The following KLHL3 variants were observed in gnomAD, a reference collection of about 807,000 sequenced individuals.
KLHL3 encodes the protein kelch like family member 3, also known as kelch-like protein 3.
In KLHL3, 19 loss-of-function variants were observed where a neutral mutation model predicts 70.5. The observed-to-expected ratio is 0.27, with a 90% CI of 0.19 to 0.40. The LOEUF (loss-of-function observed/expected upper bound fraction) is 0.40. Ranked by LOEUF, KLHL3 falls within the 10% of genes least tolerant of loss-of-function variation. The pLI is 1.00. For missense variants in KLHL3, 512 were observed against 771.1 expected (o/e 0.66, Z 3.98); for synonymous variants, 258 against 290.3 (o/e 0.89, Z 1.13).
intron 2 of KLHL3, among the ~76,000 whole-genome samples, chr5:137,716,722 G>A (rs992436008): frequency 3.3e-5 from 5 of 152,130 alleles, no homozygotes; most frequent in African/African-American, 4.8e-5. Context: ...CCCTTACTGC[G>A]CAATCTCAAA....
intron 7 of KLHL3, chr5:137,661,623 G>A (rs570600721): frequency 8.5e-5 from 22 of 260,126 alleles, no homozygotes; most frequent in African/African-American, 3.8e-4. Flanking sequence ...CAACCCTGCT[G>A]GGCTCTACTA....
chr5:137,713,961 G>C (rs1308820701), intron 2 of KLHL3, among the ~76,000 whole-genome samples: 1 of 151,856 alleles, frequency 6.6e-6, no homozygotes, highest in East Asian at 1.9e-4. Flanking sequence ...TGCCATGTTG[G>C]TGTGCTGCAC....
Position 137,621,575 on chromosome 5 carries a change from C to A in KLHL3, c.*523G>T, listed in dbSNP as rs1270811339. 2 of 153,978 alleles carry A rather than the reference C, an allele frequency of 1.3e-5. No individual in the cohort carries two copies. Among genetic ancestry groups the A allele is most frequent in the East Asian group, 3.8e-4 (2 of 5,252 alleles). 9.5% of individuals were successfully genotyped at this position (153,978 alleles called of 1,614,324 possible). On this transcript the variant is annotated 3_prime_UTR_variant, in exon 15 of 15. Transcript: ENST00000309755. ...GAACTGCCCCTCTCACTGGTTATTTCTGGACATTCCCAGACTGTCCAACTG... is the reference window on the plus strand; with the variant it reads ...GAACTGCCCCTCTCACTGGTTATTTATGGACATTCCCAGACTGTCCAACTG...
chr5:137,684,595 A>AT (rs1465158788), intron 5 of KLHL3, among the ~76,000 whole-genome samples: 16 of 152,202 alleles, frequency 1.1e-4, no homozygotes, highest in African/African-American at 3.1e-4. Context: ...TTGCTATTTC[A>AT]TTAATGAAGT....
At chr5:137,662,060 C>T (rs1751488380) in intron 6 of KLHL3, 29 bp from the exon 7 acceptor site, 1 of 966,202 alleles carries the variant, frequency 1.0e-6, no homozygotes, top group Non-Finnish European at 1.6e-6. Context: ...TGGGCAACTT[C>T]AGTAAAGAGA....
chr5:137,706,817 T>C (rs1752695298), intron 3 of KLHL3, among the ~76,000 whole-genome samples: 1 of 152,202 alleles, frequency 6.6e-6, no homozygotes, highest in Admixed American at 6.5e-5. Context: ...ACCTGCTATA[T>C]GGAAGACCAT....
intron 3 of KLHL3, among the ~76,000 whole-genome samples, chr5:137,704,181 C>T (rs774996043): frequency 1.3e-5 from 2 of 151,982 alleles, no homozygotes; most frequent in East Asian, 1.9e-4. Flanking sequence ...GTCAGGAGAT[C>T]GAGACCATCC....
intron 2 of KLHL3, among the ~76,000 whole-genome samples, chr5:137,711,009 G>A (rs1020534408): frequency 2.6e-5 from 4 of 152,142 alleles, no homozygotes; most frequent in African/African-American, 9.7e-5. Context: ...TAAAGCACTA[G>A]AGAGAGTAGG....
intron 3 of KLHL3, among the ~76,000 whole-genome samples, chr5:137,699,333 T>A (rs1033056114): frequency 6.6e-6 from 1 of 151,064 alleles, no homozygotes; most frequent in Admixed American, 6.6e-5. Context: ...GTACATGGAG[T>A]AACAGTGAGA....
chr5:137,631,089 A>AG (rs1421351799), intron 12 of KLHL3, among the ~76,000 whole-genome samples: 16 of 141,972 alleles, frequency 1.1e-4, no homozygotes, highest in South Asian at 2.2e-4. Context: ...AAAAAAAAAA[A>AG]AGAGAGAGAG....
intron 3 of KLHL3, chr5:137,706,576 C>G (rs1353735869): frequency 6.4e-6 from 1 of 157,180 alleles, no homozygotes; most frequent in African/African-American, 2.4e-5. Context: ...GTAAAATAAT[C>G]AGGAATGTAC....
intron 1 of KLHL3, 93 bp downstream of exon 1, chr5:137,735,540 T>C (rs1753247700): frequency 3.0e-6 from 3 of 983,858 alleles, no homozygotes; most frequent in Non-Finnish European, 1.6e-6. Context: ...CAACTCTGCC[T>C]AGCCAATGCA....
intron 1 of KLHL3, among the ~76,000 whole-genome samples, chr5:137,733,443 G>T (rs543532147): frequency 9.2e-5 from 14 of 152,224 alleles, no homozygotes; most frequent in Admixed American, 5.2e-4. Flanking sequence ...GTAGTCAATG[G>T]GGGTATTTAG....
intron 1 of KLHL3, among the ~76,000 whole-genome samples, chr5:137,734,648 C>G (rs769337104): frequency 6.6e-6 from 1 of 152,220 alleles, no homozygotes; most frequent in Non-Finnish European, 1.5e-5. Context: ...CTGCATCAAA[C>G]TGGCAATCTG....
chr5:137,715,642 A>G (rs934684624), intron 2 of KLHL3, among the ~76,000 whole-genome samples: 2 of 152,136 alleles, frequency 1.3e-5, no homozygotes, highest in Non-Finnish European at 2.9e-5. Flanking sequence ...CACAGTGCTT[A>G]GCACATCATC....
In KLHL3 at chr5:137,639,848, G is replaced by T; in HGVS notation, c.1021+12C>A. On this transcript the variant is annotated intron_variant, in intron 9 of 14. Transcript: ENST00000309755. This position sits in a 1 kb window ranked among gnomAD's most constrained non-coding sequence, Gnocchi z 5.0. ...GGGGAAAAACAGCTTGCAGAACTGG[G>T]AGGCTGCTCACCTGCTCTGCATCTT... The T allele has an allele frequency of 6.2e-7, 1 of 1,601,382 alleles. No homozygotes were observed. Among genetic ancestry groups the T allele is most frequent in the Non-Finnish European group, 8.6e-7 (1 of 1,168,382 alleles).
chr5:137,680,901 C>T (rs1165893552), intron 5 of KLHL3, among the ~76,000 whole-genome samples: 1 of 152,058 alleles, frequency 6.6e-6, no homozygotes, highest in Non-Finnish European at 1.5e-5. Flanking sequence ...GGACCAGGCA[C>T]AGTGGCTCAT....
chr5:137,677,317 G>C (rs184790856), intron 6 of KLHL3: 8 of 352,966 alleles, frequency 2.3e-5, no homozygotes, highest in African/African-American at 1.5e-4. Context: ...GCATGGTGGC[G>C]GGTGCCTATA....
At chr5:137,637,169 C>T in intron 11 of KLHL3, 125 bp downstream of exon 11, 1 of 700,050 alleles carries the variant, frequency 1.4e-6, no homozygotes, top group Non-Finnish European at 2.5e-6. Context: ...GATAATAGTA[C>T]CTAACCCAGA....
Sources: allele counts gnomAD v4.1 joint callset (sites outside exome capture counted in the v4.1 genomes callset), GRCh38; gene constraint gnomAD v4.1.1; non-coding constraint Gnocchi (gnomAD v3.1); transcripts MANE v1.5; gene names NCBI Gene and HGNC (gene_info 2026-07-23, HGNC 2026-07-21).